The following ABCC1 variants were observed in gnomAD, a reference collection of about 807,000 sequenced individuals.
ABCC1 encodes the protein ATP binding cassette subfamily C member 1 (ABCC1 blood group), also known as multidrug resistance-associated protein 1.
In ABCC1, 83 loss-of-function variants were observed where a neutral mutation model predicts 172.9. That is an observed-to-expected ratio of 0.48 (90% CI 0.40 to 0.58). ABCC1 has a LOEUF of 0.58. Ranked by LOEUF, ABCC1 falls within the 20% of genes least tolerant of loss-of-function variation. The pLI is 0.00. For synonymous variants in ABCC1, 937 were observed against 825.2 expected, an observed-to-expected ratio of 1.14 and a Z score of -2.32; for missense variants, 1,817 against 2,002.7, an observed-to-expected ratio of 0.91 and a Z score of 1.77.
chr16:16,107,100 C>T (rs1464784854), intron 21 of ABCC1, among the ~76,000 whole-genome samples: 1 of 152,094 alleles, frequency 6.6e-6, no homozygotes, highest in East Asian at 1.9e-4. Context: ...CTGGCCAACT[C>T]CAGGGTTAGT....
rs535534960 is a variant in ABCC1, at chr16:15,981,378, G to A, written c.49-26438G>A. Among the ~76,000 whole-genome samples, 64 of 152,330 alleles carry A rather than the reference G, an allele frequency of 4.2e-4. No individual in the cohort carries two copies. The South Asian group carries it at 0.01, about 25-fold the overall frequency. On this transcript the variant is annotated intron_variant, in intron 1 of 30. Transcript: ENST00000399410. ...TCTCCATGAGGGCTCCACTGCTGCA[G>A]CAAACTTCTGCCTGGACACCCAGGC...
At chr16:16,110,745 A>G (rs2052349593) in intron 21 of ABCC1, among the ~76,000 whole-genome samples, 1 of 152,132 alleles carries the variant, frequency 6.6e-6, no homozygotes, top group African/African-American at 2.4e-5. Context: ...ATACCTCTCT[A>G]GACTGCATTA....
intron 3 of ABCC1, among the ~76,000 whole-genome samples, chr16:16,012,808 C>A (rs2047842047): frequency 6.6e-6 from 1 of 151,380 alleles, no homozygotes; most frequent in Non-Finnish European, 1.5e-5. Context: ...TCAGCTTCCC[C>A]AATAACTGGG....
intron 12 of ABCC1, among the ~76,000 whole-genome samples, chr16:16,059,898 A>C (rs1447589404): frequency 6.8e-6 from 1 of 147,482 alleles, no homozygotes; most frequent in Non-Finnish European, 1.5e-5. Flanking sequence ...TGGGAGGCTG[A>C]GGTACGGGAA....
chr16:16,128,711 A>G (rs769597194), intron 26 of ABCC1, among the ~76,000 whole-genome samples: 1 of 152,256 alleles, frequency 6.6e-6, no homozygotes, highest in Non-Finnish European at 1.5e-5. Context: ...GAAAAAATCA[A>G]TACAGGGCTG....
At chr16:16,079,630 CTT>C (rs1307155219) in intron 16 of ABCC1, 152 bp downstream of exon 16, 2 of 1,059,332 alleles carry the variant, frequency 1.9e-6, no homozygotes, top group Non-Finnish European at 2.6e-6. Flanking sequence ...TCCACTGTCT[CTT>C]TCTCTCTCGT....
In ABCC1 at chr16:16,052,810, G is replaced by C; in HGVS notation, c.1467G>C (p.Thr489=). The change falls in exon 11 of 31, where the codon ACG becomes ACC. Residue 489 remains threonine (T), a synonymous_variant. Transcript: ENST00000399410. ...VNAVMAMKTK[T]YQVAHMKSKD... ...CTGTGATGGCGATGAAGACCAAGAC[G>C]TATCAGGTAAGGCATGTGTCTCTGC... 1 of 1,614,092 alleles carries C rather than the reference G, an allele frequency of 6.2e-7. No individual in the cohort carries two copies.
Position 15,984,448 on chromosome 16 carries a change from C to CGTTTTTTTTTTTTTTTTTTT in ABCC1, c.49-23368_49-23367insGTTTTTTTTTTTTTTTTTTT, listed in dbSNP as rs61396501. Among the ~76,000 whole-genome samples, 2 of 146,950 alleles carry CGTTTTTTTTTTTTTTTTTTT rather than the reference C, an allele frequency of 1.4e-5. 1 individual carries two copies. ...TTTTTATTGTTTACCTTGATATATA[C>CGTTTTTTTTTTTTTTTTTTT]TTTTTTTTTTTTTGAGATAGAGTCT... On this transcript the variant is annotated intron_variant, in intron 1 of 30. Transcript: ENST00000399410.
chr16:16,062,983 C>A (rs1322960151), intron 12 of ABCC1, among the ~76,000 whole-genome samples: 5 of 152,182 alleles, frequency 3.3e-5, no homozygotes, highest in Middle Eastern at 3.2e-3. Flanking sequence ...CCCTGAATCT[C>A]CCTTTGTTAG....
At chr16:16,102,827 C>T in intron 20 of ABCC1, 110 bp downstream of exon 20, 4 of 995,910 alleles carry the variant, frequency 4.0e-6, no homozygotes, top group Non-Finnish European at 4.4e-6. Context: ...AAGGCCTGGG[C>T]TTTTACCTTC....
At chr16:15,969,367 C>CTTT (rs57250944) in intron 1 of ABCC1, among the ~76,000 whole-genome samples, 1 of 131,608 alleles carries the variant, frequency 7.6e-6, no homozygotes. Flanking sequence ...GCTGGTCAGT[C>CTTT]TTTTTTTTTT....
chr16:16,106,313 A>G (rs181724456), intron 20 of ABCC1, among the ~76,000 whole-genome samples: 31 of 149,892 alleles, frequency 2.1e-4, no homozygotes, highest in Admixed American at 4.0e-4. Context: ...CATATGTTAC[A>G]TTTTGAATCT....
intron 1 of ABCC1, among the ~76,000 whole-genome samples, chr16:15,967,437 T>A (rs1219308915): frequency 6.6e-6 from 1 of 151,932 alleles, no homozygotes; most frequent in Non-Finnish European, 1.5e-5. Flanking sequence ...GCAGTTTTAT[T>A]TGTAGTTTAG....
At chr16:16,072,862 T>G (rs1204788509) in intron 14 of ABCC1, among the ~76,000 whole-genome samples, 1 of 151,132 alleles carries the variant, frequency 6.6e-6, no homozygotes, top group East Asian at 2.0e-4. Context: ...GCCAACAAGG[T>G]GAAACCCCGT....
chr16:16,097,107 GTTTGT>G (rs778393083), intron 19 of ABCC1, among the ~76,000 whole-genome samples: 8 of 151,984 alleles, frequency 5.3e-5, no homozygotes, highest in South Asian at 2.1e-4. Flanking sequence ...GGTTTTGTTT[GTTTGT>G]TTTGTTTTGT....
rs183433684 is a variant in ABCC1, at chr16:16,116,838, G to A, written c.3390+1762G>A. On this transcript the variant is annotated intron_variant, in intron 23 of 30. Transcript: ENST00000399410. ...GCCTGCCAAAGTGCTGGGATTACAG[G>A]CATTGACCCACTGAGCCCAGCCAGG... 2.4e-4 allele frequency among the ~76,000 whole-genome samples: 37 copies of A among 152,292 alleles called. No individual in the cohort carries two copies. The East Asian group carries it at 5.0e-3, about 21-fold the overall frequency.
At chr16:15,950,864 A>AG (rs2045855326) in intron 1 of ABCC1, among the ~76,000 whole-genome samples, 1 of 151,956 alleles carries the variant, frequency 6.6e-6, no homozygotes, top group African/African-American at 2.4e-5. Flanking sequence ...CCTTTCCTCG[A>AG]GGGTTGCATT....
chr16:15,976,839 G>A (rs1027401183), intron 1 of ABCC1, among the ~76,000 whole-genome samples: 1 of 152,122 alleles, frequency 6.6e-6, no homozygotes, highest in African/African-American at 2.4e-5. Context: ...TTTGACACAC[G>A]GGAACTGAAA....
intron 26 of ABCC1, among the ~76,000 whole-genome samples, chr16:16,129,406 T>A (rs902776357): frequency 6.6e-6 from 1 of 152,082 alleles, no homozygotes; most frequent in Admixed American, 6.6e-5. Flanking sequence ...CCCAGCACTT[T>A]GGGAGGCCAA....
Sources: allele counts gnomAD v4.1 joint callset (sites outside exome capture counted in the v4.1 genomes callset), GRCh38; gene constraint gnomAD v4.1.1; transcripts MANE v1.5; gene names NCBI Gene and HGNC (gene_info 2026-07-23, HGNC 2026-07-21).